Variants in GABBR2 observed in about 807,000 individuals in gnomAD.
The protein encoded by GABBR2 is G-protein coupled receptor 51.
GABBR2 carries 23 observed loss-of-function variants against 105.6 expected under a neutral mutation model. That is an observed-to-expected ratio of 0.22 (90% CI 0.16 to 0.31). The LOEUF is 0.31. GABBR2 is among the 10% of genes least tolerant of loss of function. GABBR2 has a pLI of 1.00. For synonymous variants in GABBR2, 478 were observed against 499.7 expected, an observed-to-expected ratio of 0.96 and a Z score of 0.58; for missense variants, 734 against 1,245.5, an observed-to-expected ratio of 0.59 and a Z score of 6.18.
At chr9:98,486,705 C>A (rs1380776216) in intron 4 of GABBR2, among the ~76,000 whole-genome samples, 1 of 152,212 alleles carries the variant, frequency 6.6e-6, no homozygotes, top group East Asian at 1.9e-4. Flanking sequence ...CCTAAGGCAG[C>A]TGAGCTGTTA....
intron 13 of GABBR2, among the ~76,000 whole-genome samples, chr9:98,318,891 T>TTGTGTG (rs111952099): frequency 2.1e-4 from 31 of 148,378 alleles, no homozygotes; most frequent in South Asian, 6.4e-4. Context: ...AAATGTGAGT[T>TTGTGTG]TGTGTGTGTG....
chr9:98,332,587 C>G (rs539731161), intron 13 of GABBR2, among the ~76,000 whole-genome samples: 2 of 152,164 alleles, frequency 1.3e-5, no homozygotes, highest in East Asian at 3.9e-4. Flanking sequence ...TTACAGATGC[C>G]GCACTGTTCC....
chr9:98,393,032 ATCCATCCATCCAT>A, intron 9 of GABBR2, among the ~76,000 whole-genome samples: 1 of 40,858 alleles, frequency 2.4e-5, no homozygotes, highest in East Asian at 1.2e-3. Flanking sequence ...GCATCCACCC[ATCCATCCATCCAT>A]CCATCCATCC....
chr9:98,598,586 A>G (rs1588245056), intron 1 of GABBR2, among the ~76,000 whole-genome samples: 1 of 151,352 alleles, frequency 6.6e-6, no homozygotes, highest in Non-Finnish European at 1.5e-5. Flanking sequence ...AGAAGAAGAA[A>G]AAAAAAATCC....
chr9:98,540,145 C>T (rs961146950), intron 3 of GABBR2, among the ~76,000 whole-genome samples: 1 of 152,126 alleles, frequency 6.6e-6, no homozygotes, highest in Non-Finnish European at 1.5e-5. Flanking sequence ...GTCAAGTTCC[C>T]TTTGTGCCTC....
At chr9:98,648,449 C>T (rs1217086834) in intron 1 of GABBR2, among the ~76,000 whole-genome samples, 1 of 152,114 alleles carries the variant, frequency 6.6e-6, no homozygotes, top group Non-Finnish European at 1.5e-5. Context: ...GGATATACTT[C>T]TACCACCCAA....
At chr9:98,372,948 A>C (rs1360155056) in intron 11 of GABBR2, among the ~76,000 whole-genome samples, 3 of 151,654 alleles carry the variant, frequency 2.0e-5, no homozygotes, top group Admixed American at 6.6e-5. Flanking sequence ...TTAGCCTTCT[A>C]TTTTCTTTTT....
chr9:98,626,464 C>A (rs1481285270), intron 1 of GABBR2, among the ~76,000 whole-genome samples: 1 of 152,074 alleles, frequency 6.6e-6, no homozygotes, highest in Admixed American at 6.5e-5. Flanking sequence ...ATGAGTTGGA[C>A]CTCTTGTTTA....
chr9:98,656,308 TG>T (rs1386487139), intron 1 of GABBR2, among the ~76,000 whole-genome samples: 1 of 152,074 alleles, frequency 6.6e-6, no homozygotes, highest in Non-Finnish European at 1.5e-5. Flanking sequence ...GTGTGGATGA[TG>T]GGGCCATCCC....
intron 1 of GABBR2, among the ~76,000 whole-genome samples, chr9:98,682,368 T>G (rs1271760469): frequency 6.7e-5 from 1 of 14,868 alleles, no homozygotes; most frequent in Non-Finnish European, 2.4e-4. Context: ...TTTACCATCT[T>G]TTTTTTTTTT....
intron 1 of GABBR2, among the ~76,000 whole-genome samples, chr9:98,625,322 A>C (rs1829721695): frequency 1.3e-5 from 2 of 152,318 alleles, no homozygotes; most frequent in South Asian, 4.1e-4. Context: ...AGGGCTCAGG[A>C]CCATCCAGGA....
At chr9:98,493,769 T>C (rs560958367) in intron 4 of GABBR2, among the ~76,000 whole-genome samples, 200 of 152,332 alleles carry the variant, frequency 1.3e-3, no homozygotes, top group African/African-American at 4.7e-3. Context: ...GTAGCCTCTG[T>C]TGCACTTTGT....
chr9:98,293,226 A>G (rs1430530503), intron 18 of GABBR2, among the ~76,000 whole-genome samples: 1 of 152,146 alleles, frequency 6.6e-6, no homozygotes, highest in Non-Finnish European at 1.5e-5. Context: ...TGATGTCACC[A>G]TCTCATTGAG....
intron 3 of GABBR2, among the ~76,000 whole-genome samples, chr9:98,532,058 A>C (rs1828077647): frequency 6.6e-6 from 1 of 152,222 alleles, no homozygotes; most frequent in South Asian, 2.1e-4. Context: ...AAGCAATAAC[A>C]TCCATGAAGT....
intron 1 of GABBR2, among the ~76,000 whole-genome samples, chr9:98,675,547 A>G (rs955515455): frequency 6.6e-6 from 1 of 152,202 alleles, no homozygotes; most frequent in Non-Finnish European, 1.5e-5. Context: ...CTAGGAGAAC[A>G]AGCCACATTT....
chr9:98,411,677 TC>T (rs1832593878), intron 7 of GABBR2, among the ~76,000 whole-genome samples: 1 of 152,128 alleles, frequency 6.6e-6, no homozygotes, highest in Non-Finnish European at 1.5e-5. Flanking sequence ...TCCTTCCACC[TC>T]AGCCTCCCAA....
intron 1 of GABBR2, among the ~76,000 whole-genome samples, chr9:98,650,147 T>C (rs938011551): frequency 2.6e-5 from 4 of 152,234 alleles, no homozygotes; most frequent in Non-Finnish European, 4.4e-5. Flanking sequence ...AAATTTTTCA[T>C]GTGTTTCAGT....
At chr9:98,569,372 C>A (rs1828795056) in intron 2 of GABBR2, among the ~76,000 whole-genome samples, 1 of 152,142 alleles carries the variant, frequency 6.6e-6, no homozygotes, top group African/African-American at 2.4e-5. Context: ...CCATCCCTGA[C>A]TCCTTATTTT....
intron 17 of GABBR2, 118 bp from the exon 18 acceptor site, chr9:98,294,020 C>A: frequency 1.4e-6 from 1 of 721,738 alleles, no homozygotes; most frequent in Non-Finnish European, 2.5e-6. Flanking sequence ...GCCCATTATC[C>A]CTCTGTGTTC....
Sources: gnomAD v4.1 joint callset for allele counts (sites outside exome capture counted in the v4.1 genomes callset) on GRCh38, gnomAD v4.1.1 for gene constraint, MANE v1.5 for transcripts, NCBI Gene and HGNC (gene_info 2026-07-23, HGNC 2026-07-21) for gene names.